The following MYRIP variants were observed in gnomAD, a reference collection of about 807,000 sequenced individuals.
The protein encoded by MYRIP is myosin VIIA and Rab interacting protein.
Under a neutral mutation model 98.0 loss-of-function variants are expected in MYRIP, and 49 were observed. The ratio of observed to expected loss-of-function variants is 0.50; its 90% CI spans 0.40 to 0.63. The LOEUF (loss-of-function observed/expected upper bound fraction) is 0.63. Among genes scored for constraint, MYRIP ranks in the 30% least tolerant of loss-of-function variants. The pLI is 0.00. For missense variants in MYRIP, 1,004 were observed against 1,058.2 expected (o/e 0.95, Z 0.71); for synonymous variants, 404 against 409.5 (o/e 0.99, Z 0.16).
In MYRIP at chr3:39,955,319, AAT is replaced by A. The variant is rs1487744286; in HGVS notation, c.110+54394_110+54395del. Among the ~76,000 whole-genome samples the A allele has an allele frequency of 1.5e-3, 228 of 152,336 alleles. No individual in the cohort carries two copies. In the Middle Eastern group the frequency reaches 0.024, roughly 16 times the overall value. ...ACAAAGGGAAGCCCATCAGACTAACAATGGATCTCTCTGCAGAAACTCTACAA... is the reference window on the plus strand; with the variant it reads ...ACAAAGGGAAGCCCATCAGACTAACAGGATCTCTCTGCAGAAACTCTACAA... On this transcript the variant is annotated intron_variant, in intron 2 of 16. Coordinates refer to ENST00000302541, the MANE Select transcript of MYRIP (RefSeq NM_015460.4).
In MYRIP at chr3:40,170,021, T is replaced by C; in HGVS notation, c.801T>C (p.Ser267=). Residue 267 remains serine, a synonymous_variant, in exon 8 of 17, where the codon AGT becomes AGC. Transcript: ENST00000302541. ...EEEPGWPHPQ[S]CSTKVADEGT... ...AGCCAGGATGGCCACATCCCCAGAG[T>C]TGCAGCACAAAGGTGGCAGATGAGG... The C allele has an allele frequency of 6.2e-7, 1 of 1,614,080 alleles. No homozygotes were observed. The highest frequency in any genetic ancestry group is 8.5e-7 in the Non-Finnish European group (1 of 1,180,010).
intron 2 of MYRIP, among the ~76,000 whole-genome samples, chr3:39,995,238 C>T (rs528765715): frequency 6.6e-5 from 10 of 151,908 alleles, no homozygotes; most frequent in South Asian, 2.1e-4. Context: ...CAAAGTACTC[C>T]GAGCTAAAGG....
intron 13 of MYRIP, 71 bp downstream of exon 13, chr3:40,244,678 C>T: frequency 6.8e-7 from 1 of 1,469,008 alleles, no homozygotes; most frequent in Non-Finnish European, 9.1e-7. Context: ...CTACAAGAAT[C>T]ACTTTAAAGC....
At chr3:39,957,937 A>G (rs1462207714) in intron 2 of MYRIP, among the ~76,000 whole-genome samples, 1 of 152,230 alleles carries the variant, frequency 6.6e-6, no homozygotes, top group Admixed American at 6.5e-5. Context: ...CAATTACTTC[A>G]AAGAGAATAA....
At chr3:40,226,634 C>T (rs1341460312) in intron 11 of MYRIP, among the ~76,000 whole-genome samples, 1 of 152,250 alleles carries the variant, frequency 6.6e-6, no homozygotes, top group African/African-American at 2.4e-5. Context: ...ATCCCGGCTT[C>T]TTCAAGGAAA....
intron 16 of MYRIP, among the ~76,000 whole-genome samples, chr3:40,253,447 C>T (rs62261855): frequency 0.3 from 46,313 of 151,978 alleles, 8,004 homozygotes; most frequent in East Asian, 0.57. Flanking sequence ...ACAAATAAGA[C>T]GAGAAAACCC....
rs541019595 is a variant in MYRIP, at chr3:40,252,029, C to T, written c.2547+30C>T. The T allele has an allele frequency of 5.0e-5, 76 of 1,512,858 alleles. No individual in the cohort carries two copies. The East Asian group carries it at 5.6e-4, about 11-fold the overall frequency. The allele number at this position is 1,512,858 out of a possible 1,614,324, so 93.7% of individuals were successfully genotyped here. On this transcript the variant is annotated intron_variant, in intron 16 of 16. Coordinates refer to ENST00000302541, the MANE Select transcript of MYRIP (RefSeq NM_015460.4). ...ATGTCATCTCTGTCTTAATGTTCAA[C>T]GCTTTCACTGTTGATGGTACCTCCA...
chr3:39,855,838 A>G (rs1287794937), intron 1 of MYRIP, among the ~76,000 whole-genome samples: 2 of 152,062 alleles, frequency 1.3e-5, no homozygotes, highest in Non-Finnish European at 2.9e-5. Context: ...GCTTCTCCCC[A>G]AGACTCTGCT....
chr3:40,051,515 T>C (rs1476101469), intron 3 of MYRIP, among the ~76,000 whole-genome samples: 1 of 152,172 alleles, frequency 6.6e-6, no homozygotes, highest in African/African-American at 2.4e-5. Flanking sequence ...CTAACTTTTA[T>C]ATGCACTGGG....
chr3:39,941,489 A>ATG (rs139399674), intron 2 of MYRIP, among the ~76,000 whole-genome samples: 5,077 of 147,214 alleles, frequency 0.034, 117 homozygotes, highest in African/African-American at 0.071. Context: ...TTAAAAATGT[A>ATG]TGTGTGTGTG....
At chr3:40,210,701 T>A (rs1383844635) in intron 11 of MYRIP, among the ~76,000 whole-genome samples, 1 of 152,130 alleles carries the variant, frequency 6.6e-6, no homozygotes, top group Admixed American at 6.6e-5. Flanking sequence ...CCCTAACCGC[T>A]TGATTTTCAG....
chr3:40,074,934 A>C (rs999928918), intron 3 of MYRIP, among the ~76,000 whole-genome samples: 5 of 152,192 alleles, frequency 3.3e-5, no homozygotes, highest in Admixed American at 3.3e-4. Context: ...ATACAAATTC[A>C]AAGAGCTAGT....
intron 11 of MYRIP, among the ~76,000 whole-genome samples, chr3:40,217,693 G>C (rs1952166630): frequency 6.6e-6 from 1 of 152,082 alleles, no homozygotes; most frequent in Admixed American, 6.6e-5. Flanking sequence ...TCTCCATAAA[G>C]CATAAAAAAA....
intron 3 of MYRIP, among the ~76,000 whole-genome samples, chr3:40,110,117 T>C (rs1949129673): frequency 6.6e-6 from 1 of 152,200 alleles, no homozygotes; most frequent in African/African-American, 2.4e-5. Context: ...AGTGGGCCTT[T>C]TGGGACAAGG....
intron 3 of MYRIP, among the ~76,000 whole-genome samples, chr3:40,050,676 C>A (rs1470012409): frequency 6.6e-6 from 1 of 152,098 alleles, no homozygotes; most frequent in Admixed American, 6.6e-5. Context: ...ACAGATGATT[C>A]TTCTGATAGA....
chr3:39,849,251 C>A (rs1363193357), intron 1 of MYRIP, among the ~76,000 whole-genome samples: 1 of 152,066 alleles, frequency 6.6e-6, no homozygotes, highest in Non-Finnish European at 1.5e-5. Flanking sequence ...ATTCCAGTAC[C>A]AATGGATGAC....
At chr3:40,134,200 C>T (rs1423608463) in intron 3 of MYRIP, among the ~76,000 whole-genome samples, 1 of 152,262 alleles carries the variant, frequency 6.6e-6, no homozygotes, top group Non-Finnish European at 1.5e-5. Context: ...ATGCGCTCTT[C>T]CAACGGGCTT....
intron 12 of MYRIP, among the ~76,000 whole-genome samples, chr3:40,234,368 G>T (rs532196178): frequency 1.3e-5 from 2 of 152,190 alleles, no homozygotes; most frequent in African/African-American, 4.8e-5. Context: ...GCCTGATCCT[G>T]CAGGGAGCTC....
chr3:39,854,833 T>A (rs1363269900), intron 1 of MYRIP, among the ~76,000 whole-genome samples: 2 of 152,174 alleles, frequency 1.3e-5, no homozygotes, highest in Non-Finnish European at 2.9e-5. Flanking sequence ...CATAGGGTGA[T>A]CTCTTGATGT....
Sources: allele counts gnomAD v4.1 joint callset (sites outside exome capture counted in the v4.1 genomes callset), GRCh38; gene constraint gnomAD v4.1.1; transcripts MANE v1.5; gene names NCBI Gene and HGNC (gene_info 2026-07-23, HGNC 2026-07-21).